Variants in PROSER1 observed in about 807,000 individuals in gnomAD.
PROSER1 encodes the protein proline and serine rich 1, also known as proline and serine-rich protein 1.
PROSER1 carries 36 observed loss-of-function variants against 71.8 expected under a neutral mutation model. The ratio of observed to expected loss-of-function variants is 0.50; its 90% CI spans 0.38 to 0.66. The LOEUF (loss-of-function observed/expected upper bound fraction) is 0.66. Ranked by LOEUF, PROSER1 falls within the 30% of genes least tolerant of loss-of-function variation. PROSER1 has a pLI of 0.00. For synonymous variants in PROSER1, 490 were observed against 452.4 expected (o/e 1.08, Z -1.06); for missense variants, 1,107 against 1,135.0 (o/e 0.98, Z 0.35).
At position 39,011,281 on chromosome 13, in the gene PROSER1, C is replaced by G; in HGVS notation, c.*84G>C. ...CTCATTCTCATTTTCCGACTTTTGG[C>G]CAGCTTCACATTTGTCAGATTGTTC... On this transcript the variant is annotated 3_prime_UTR_variant, in exon 13 of 13. Transcript: ENST00000352251. The G allele has an allele frequency of 7.1e-7, 1 of 1,410,650 alleles. No homozygotes were observed. The highest frequency in any genetic ancestry group is 9.7e-7 in the Non-Finnish European group (1 of 1,026,476). 87.4% of individuals were successfully genotyped at this position (1,410,650 alleles called of 1,614,324 possible). A position where few individuals can be genotyped will look rare whatever the true frequency, so the allele number is the denominator to read the frequency against.
In PROSER1 at chr13:39,013,442, G is replaced by C; in HGVS notation, c.1810C>G (p.Pro604Ala). 1.2e-6 allele frequency: 2 copies of C among 1,614,130 alleles called. No homozygotes were observed. The highest frequency in any genetic ancestry group is 8.5e-7 in the Non-Finnish European group (1 of 1,180,032). Residue 604 changes from proline (P) to alanine (A), a missense_variant, in exon 11 of 13, where the codon CCT becomes GCT. Coordinates refer to ENST00000352251, the MANE Select transcript of PROSER1 (RefSeq NM_025138.5). ...GTGGGCTCAGTTTTGATCATAACAG[G>C]AAGAGTTGTTGCAGCAGGGGTAGAT... is the stretch of plus-strand genomic sequence containing the variant. ...ISSTPAATTL[P>A]VMIKTEPTSP...
chr13:39,024,439 A>G (rs1870444419), intron 7 of PROSER1, 34 bp downstream of exon 7: 2 of 1,433,428 alleles, frequency 1.4e-6, no homozygotes, highest in East Asian at 4.5e-5. Flanking sequence ...TGTAGGAAGG[A>G]GTTTGGGCTT....
intron 1 of PROSER1, 117 bp downstream of exon 1, chr13:39,037,081 A>C: frequency 1.3e-6 from 1 of 747,324 alleles, no homozygotes; most frequent in Non-Finnish European, 2.3e-6. Flanking sequence ...TGAAAATTCA[A>C]ACCAATTTGG....
intron 10 of PROSER1, 27 bp downstream of exon 10, chr13:39,017,473 T>C (rs1870057456): frequency 8.3e-6 from 12 of 1,437,340 alleles, no homozygotes; most frequent in Non-Finnish European, 1.2e-5. Context: ...AGATATCCGT[T>C]ATCTCTGGAT....
rs8181819 is a variant in PROSER1 at position 39,012,917 on chromosome 13, C to T, written c.2335G>A (p.Gly779Arg). The T allele has an allele frequency of 6.2e-7, 1 of 1,614,062 alleles. No homozygotes were observed. The highest frequency in any genetic ancestry group is 1.3e-5 in the African/African-American group (1 of 74,984). ...AVPSLFSVTQGPLSSSNPSYP... is the reference protein window; with the variant it reads ...AVPSLFSVTQRPLSSSNPSYP... ...GAGGGATTTGAAGATGACAGAGGTCCTTGAGTAACAGAGAAAAGTGAGGGA... is the reference window on the plus strand; with the variant it reads ...GAGGGATTTGAAGATGACAGAGGTCTTTGAGTAACAGAGAAAAGTGAGGGA... Residue 779 changes from glycine (G) to arginine (R), a missense_variant, in exon 11 of 13, where the codon GGA (glycine) becomes AGA (arginine). Physicochemically the swap from Gly to Arg is moderately radical, Grantham distance 125. Transcript: ENST00000352251.
Position 39,023,116 on chromosome 13 carries a change from A to G in PROSER1, c.579T>C (p.Tyr193=), listed in dbSNP as rs1870374636. The G allele has an allele frequency of 1.2e-6, 2 of 1,612,956 alleles. No individual in the cohort carries two copies. Among genetic ancestry groups the G allele is most frequent in the Admixed American group, 1.7e-5 (1 of 59,990 alleles). Reference sequence around the variant, plus strand: ...GATAAGGAACAGGTTTATGTGGATTATATGTTGAAGGAGGCTAAAACATGG... The same window carrying G: ...GATAAGGAACAGGTTTATGTGGATTGTATGTTGAAGGAGGCTAAAACATGG... ...LGPSKPPPST[Y]NPHKPVPYPI... is the part of the protein sequence containing the mutation. Residue 193 remains tyrosine (Y), a synonymous_variant, in exon 8 of 13, where the codon TAT becomes TAC. Transcript: ENST00000352251.
In PROSER1 at chr13:39,037,981, C is replaced by T. The variant is rs1222949793; in HGVS notation, c.-739G>A. 1.3e-5 allele frequency: 2 copies of T among 152,640 alleles called. No homozygotes were observed. The highest frequency in any genetic ancestry group is 6.5e-5 in the Admixed American group (1 of 15,290). The allele number at this position is 152,640 out of a possible 1,614,324, so 9.5% of individuals were successfully genotyped here. ...ACGCAGCCCCAACAGCGCCAGACGC[C>T]CTGCCTGGTTACCCCTACAGCCCCC... On this transcript the variant is annotated 5_prime_UTR_variant, in exon 1 of 13. Transcript: ENST00000352251.
At chr13:39,016,102 T>C (rs530802476) in intron 10 of PROSER1, among the ~76,000 whole-genome samples, 8 of 152,124 alleles carry the variant, frequency 5.3e-5, no homozygotes, top group Non-Finnish European at 1.0e-4. Flanking sequence ...TTTTATTTAA[T>C]AAAGCAAAAG....
At position 39,021,189 on chromosome 13, in the gene PROSER1, C is replaced by T. The variant is rs1426670384; in HGVS notation, c.730+1137G>A. 3.3e-5 allele frequency among the ~76,000 whole-genome samples: 5 copies of T among 152,068 alleles called. No homozygotes were observed. In the East Asian group the frequency reaches 9.7e-4, roughly 29 times the overall value. The stretch of plus-strand genomic sequence containing the variant: ...GACAGGCACGGGATACCCAATTCAC[C>T]CCCTCCCCAAGTAATTACTCTTCTA... On this transcript the variant is annotated intron_variant, in intron 9 of 12. Coordinates refer to ENST00000352251, the MANE Select transcript of PROSER1 (RefSeq NM_025138.5).
rs1368140575 is a variant in PROSER1, at chr13:39,013,739, G to C, written c.1513C>G (p.Leu505Val). ...SGLASLSSLT[L>V]QNSDSSASAP... ...GAAGCAGAAGAGTCAGAGTTCTGAA[G>C]AGTAAGAGAAGATAGTGAAGCCAGC... The change falls in exon 11 of 13, where the codon CTT becomes GTT. Residue 505 changes from leucine to valine, a missense_variant. Transcript: ENST00000352251. 7.4e-6 allele frequency: 12 copies of C among 1,614,104 alleles called. No individual in the cohort carries two copies. Among genetic ancestry groups the C allele is most frequent in the Non-Finnish European group, 1.0e-5 (12 of 1,180,044 alleles).
At position 39,022,219 on chromosome 13, in the gene PROSER1, G is replaced by C. The variant is rs1038374666; in HGVS notation, c.730+107C>G. ...TCACTTCCAGATCCTTCAGACTCTT[G>C]AGCTTGTGTTCCCTCTGTTAGAATA... On this transcript the variant is annotated intron_variant, in intron 9 of 12. Transcript: ENST00000352251. 6.5e-6 allele frequency: 5 copies of C among 772,596 alleles called. No individual in the cohort carries two copies. In the African/African-American group the frequency reaches 8.6e-5, roughly 13 times the overall value. The allele number at this position is 772,596 out of a possible 1,614,324, so 47.9% of individuals were successfully genotyped here.
intron 9 of PROSER1, among the ~76,000 whole-genome samples, chr13:39,021,074 C>G (rs538192221): frequency 6.6e-6 from 1 of 152,260 alleles, no homozygotes; most frequent in South Asian, 2.1e-4. Context: ...TCTTTTATGT[C>G]ATTAGCAAAG....
In PROSER1 at chr13:39,013,288, C is replaced by A; in HGVS notation, c.1964G>T (p.Cys655Phe). The A allele has an allele frequency of 1.2e-6, 2 of 1,614,112 alleles. No homozygotes were observed. Among genetic ancestry groups the A allele is most frequent in the Non-Finnish European group, 8.5e-7 (1 of 1,180,038 alleles). The change falls in exon 11 of 13, where the codon TGC (cysteine) becomes TTC (phenylalanine). Residue 655 changes from cysteine to phenylalanine, a missense_variant. Transcript: ENST00000352251. Reference protein sequence around the residue: ...STSVPISLSACLNPALSGLSS... With the variant: ...STSVPISLSAFLNPALSGLSS... ...GAGACCTGACAATGCAGGATTAAGG[C>A]AAGCAGATAAACTGATGGGCACGGA... is the stretch of plus-strand genomic sequence containing the variant.
intron 1 of PROSER1, 59 bp from the exon 2 acceptor site, chr13:39,034,255 C>T: frequency 7.3e-7 from 1 of 1,369,212 alleles, no homozygotes. Flanking sequence ...GTAAGCAGCA[C>T]AGTAATATAC....
At position 39,010,875 on chromosome 13, in the gene PROSER1, C is replaced by T. The variant is rs913113847; in HGVS notation, c.*490G>A. On this transcript the variant is annotated 3_prime_UTR_variant, in exon 13 of 13. Transcript: ENST00000352251. ...AGAATAACTGTGGGTCTCAAGTTCC[C>T]TTTTGTGGATACATACAGAGTACTG... is the stretch of plus-strand genomic sequence containing the variant. 1 of 152,932 alleles carries T rather than the reference C, an allele frequency of 6.5e-6. No individual in the cohort carries two copies. Among genetic ancestry groups the T allele is most frequent in the Non-Finnish European group, 1.5e-5 (1 of 68,348 alleles). 9.5% of individuals were successfully genotyped at this position (152,932 alleles called of 1,614,324 possible).
chr13:39,022,808 C>A, intron 8 of PROSER1: 2 of 426,110 alleles, frequency 4.7e-6, no homozygotes, highest in Middle Eastern at 6.5e-4. Flanking sequence ...AAAGTGAAAA[C>A]CCATAAATAA....
chr13:39,013,439 C>A lies in PROSER1; in HGVS notation c.1813G>T (p.Val605Phe). Residue 605 changes from valine (V) to phenylalanine (F), a missense_variant, in exon 11 of 13, where the codon GTT (valine) becomes TTT (phenylalanine). Transcript: ENST00000352251. The stretch of plus-strand genomic sequence containing the variant: ...CTTGTGGGCTCAGTTTTGATCATAA[C>A]AGGAAGAGTTGTTGCAGCAGGGGTA... Reference protein sequence around the residue: ...SSTPAATTLPVMIKTEPTSPT... With the variant: ...SSTPAATTLPFMIKTEPTSPT... 6.2e-7 allele frequency: 1 copy of A among 1,614,048 alleles called. No homozygotes were observed.
chr13:39,012,654 A>G (rs774612157), intron 11 of PROSER1, 37 bp downstream of exon 11: 1 of 1,406,964 alleles, frequency 7.1e-7, no homozygotes, highest in South Asian at 1.4e-5. Flanking sequence ...AGTTAGGTGA[A>G]GAATAATTTT....
At chr13:39,034,385 G>C (rs933401539) in intron 1 of PROSER1, among the ~76,000 whole-genome samples, 189 bp from the exon 2 acceptor site, 1 of 152,144 alleles carries the variant, frequency 6.6e-6, no homozygotes, top group African/African-American at 2.4e-5. Flanking sequence ...GTTCCATACT[G>C]TGAGGGACAC....
Sources: gnomAD v4.1 joint callset for allele counts (sites outside exome capture counted in the v4.1 genomes callset) on GRCh38, gnomAD v4.1.1 for gene constraint, MANE v1.5 for transcripts, NCBI Gene and HGNC (gene_info 2026-07-23, HGNC 2026-07-21) for gene names.